DPYS: variants seen among roughly 807,000 people sequenced by gnomAD.
DPYS encodes the protein dihydropyrimidinase.
In DPYS, 39 loss-of-function variants were observed where a neutral mutation model predicts 50.3. That is an observed-to-expected ratio of 0.78 (90% CI 0.60 to 1.01). DPYS has a LOEUF of 1.01. Ranked by LOEUF, DPYS falls within the 50% of genes least tolerant of loss-of-function variation. The probability of loss-of-function intolerance (pLI) is 0.00; values close to 1 mark genes in which losing one functional copy is unlikely to be tolerated. For missense variants in DPYS, 659 were observed against 680.9 expected (o/e 0.97, Z 0.36); for synonymous variants, 245 against 250.7 (o/e 0.98, Z 0.22).
At chr8:104,402,637 G>T (rs1403246021) in intron 7 of DPYS, among the ~76,000 whole-genome samples, 2 of 152,200 alleles carry the variant, frequency 1.3e-5, no homozygotes, top group East Asian at 3.8e-4. Flanking sequence ...AGCAGGAAAA[G>T]ATGTCAGTTT....
chr8:104,388,330 A>G (rs938518782), intron 8 of DPYS, among the ~76,000 whole-genome samples: 2 of 152,192 alleles, frequency 1.3e-5, no homozygotes, highest in African/African-American at 4.8e-5. Flanking sequence ...ATAAAATGCA[A>G]TGTGATCCTG....
At chr8:104,399,733 G>A (rs1449387455) in intron 7 of DPYS, among the ~76,000 whole-genome samples, 1 of 151,728 alleles carries the variant, frequency 6.6e-6, no homozygotes, top group East Asian at 1.9e-4. Context: ...GCCAGGTGTG[G>A]TGGCGGGCAC....
intron 2 of DPYS, among the ~76,000 whole-genome samples, chr8:104,449,244 A>T (rs74675328): frequency 0.12 from 18,305 of 152,238 alleles, 1,201 homozygotes; most frequent in Middle Eastern, 0.18. Flanking sequence ...AAAATGCTTG[A>T]AACATTGTTA....
chr8:104,414,673 G>A (rs1812306843), intron 7 of DPYS, among the ~76,000 whole-genome samples: 1 of 152,092 alleles, frequency 6.6e-6, no homozygotes, highest in Non-Finnish European at 1.5e-5. Context: ...AGGAAGACAA[G>A]GTTCTTTGCT....
intron 4 of DPYS, among the ~76,000 whole-genome samples, chr8:104,433,061 AC>A (rs1813008093): frequency 6.6e-6 from 1 of 152,212 alleles, no homozygotes; most frequent in Non-Finnish European, 1.5e-5. Context: ...GGGGAAGATA[AC>A]GTGAAGACAC....
At chr8:104,444,119 T>C (rs1813447475) in intron 4 of DPYS, 129 bp downstream of exon 4, 2 of 1,044,624 alleles carry the variant, frequency 1.9e-6, no homozygotes, top group Admixed American at 3.9e-5. Context: ...AGGAGGCTAA[T>C]AAAAAGGGAG....
At chr8:104,455,786 C>A (rs939948147) in intron 1 of DPYS, among the ~76,000 whole-genome samples, 1 of 152,114 alleles carries the variant, frequency 6.6e-6, no homozygotes, top group Non-Finnish European at 1.5e-5. Context: ...TGAGCCAAGA[C>A]AAAATGTTTA....
At chr8:104,380,327 A>G (rs538271417) in intron 9 of DPYS, among the ~76,000 whole-genome samples, 2 of 152,378 alleles carry the variant, frequency 1.3e-5, no homozygotes, top group African/African-American at 4.8e-5. Context: ...AACCAGGTCC[A>G]TTAGGTCAAC....
chr8:104,462,028 C>G (rs745748613), intron 1 of DPYS, among the ~76,000 whole-genome samples: 3 of 152,126 alleles, frequency 2.0e-5, no homozygotes, highest in Non-Finnish European at 4.4e-5. Context: ...TCTTTATACT[C>G]ATCTGTATTT....
intron 8 of DPYS, among the ~76,000 whole-genome samples, chr8:104,383,604 C>CTTT (rs59669284): frequency 9.9e-5 from 14 of 141,794 alleles, no homozygotes; most frequent in East Asian, 6.2e-4. Context: ...CCAGGCTGTA[C>CTTT]TTTTTTTTTT....
chr8:104,442,478 A>G (rs1022396845), intron 4 of DPYS, among the ~76,000 whole-genome samples: 15 of 152,122 alleles, frequency 9.9e-5, no homozygotes, highest in Admixed American at 3.3e-4. Context: ...TTATAGACCG[A>G]CTCATCTCAT....
At chr8:104,424,721 C>T (rs560802609) in intron 6 of DPYS, among the ~76,000 whole-genome samples, 1 of 152,054 alleles carries the variant, frequency 6.6e-6, no homozygotes, top group South Asian at 2.1e-4. Context: ...TAAAGTTTGA[C>T]AATACCACAT....
At chr8:104,464,360 T>A (rs905951774) in intron 1 of DPYS, among the ~76,000 whole-genome samples, 1 of 152,178 alleles carries the variant, frequency 6.6e-6, no homozygotes, top group African/African-American at 2.4e-5. Flanking sequence ...GCAAAGATAA[T>A]CTTGAGAAAG....
intron 7 of DPYS, among the ~76,000 whole-genome samples, chr8:104,414,686 A>G (rs1386896519): frequency 3.9e-5 from 6 of 152,166 alleles, no homozygotes; most frequent in Admixed American, 3.9e-4. Flanking sequence ...TCTTTGCTGT[A>G]CAATAAGCAT....
chr8:104,392,698 A>T, intron 8 of DPYS, 86 bp downstream of exon 8: 1 of 1,521,234 alleles, frequency 6.6e-7, no homozygotes, highest in South Asian at 1.1e-5. Flanking sequence ...ATGTGTCAAC[A>T]CCACTACTAC....
At chr8:104,394,994 T>A (rs1811531329) in intron 7 of DPYS, among the ~76,000 whole-genome samples, 1 of 151,780 alleles carries the variant, frequency 6.6e-6, no homozygotes, top group Non-Finnish European at 1.5e-5. Context: ...TTTTTTTTAA[T>A]TTTAATTTTT....
At chr8:104,459,101 C>G (rs1814030554) in intron 1 of DPYS, among the ~76,000 whole-genome samples, 1 of 152,148 alleles carries the variant, frequency 6.6e-6, no homozygotes, top group Non-Finnish European at 1.5e-5. Flanking sequence ...TTGAAGTGTC[C>G]TTTCTCAACT....
intron 7 of DPYS, among the ~76,000 whole-genome samples, chr8:104,405,499 T>A (rs1386612911): frequency 6.6e-6 from 1 of 152,234 alleles, no homozygotes; most frequent in Admixed American, 6.5e-5. Context: ...TGACAGCTAA[T>A]CATCTCTTCC....
At chr8:104,466,577 G>A in intron 1 of DPYS, 80 bp downstream of exon 1, 3 of 1,412,392 alleles carry the variant, frequency 2.1e-6, no homozygotes, top group Non-Finnish European at 1.8e-6. Flanking sequence ...AGGCGGCCCT[G>A]CTGAGGACCC....
Sources: allele counts gnomAD v4.1 joint callset (sites outside exome capture counted in the v4.1 genomes callset), GRCh38; gene constraint gnomAD v4.1.1; transcripts MANE v1.5; gene names NCBI Gene and HGNC (gene_info 2026-07-23, HGNC 2026-07-21).